OLFM1: variants seen among roughly 807,000 people sequenced by gnomAD.
The protein encoded by OLFM1 is noelin.
In OLFM1, 9 loss-of-function variants were observed where a neutral mutation model predicts 49.7. That is an observed-to-expected ratio of 0.18 (90% CI 0.11 to 0.32). OLFM1 has a LOEUF of 0.32. Among genes scored for constraint, OLFM1 ranks in the 10% least tolerant of loss-of-function variants. OLFM1 has a pLI of 1.00. For missense variants in OLFM1, 369 were observed against 661.8 expected (o/e 0.56, Z 4.85); for synonymous variants, 240 against 271.8 (o/e 0.88, Z 1.15).
intron 1 of OLFM1, chr9:135,076,489 C>G (rs1319466907): frequency 7.4e-7 from 1 of 1,358,822 alleles, no homozygotes; most frequent in East Asian, 2.5e-5. Context: ...AGAAAGGTCT[C>G]TGCTTGGTAT....
chr9:135,120,408 G>A lies in OLFM1; in HGVS notation c.*230G>A, dbSNP rs1336350031. ...ATTTGCAGCTGGAACTGCAGCCCAC[G>A]GCGCCCCGGTTTTCCTCCCCGCCCT... On this transcript the variant is annotated 3_prime_UTR_variant, in exon 6 of 6. Transcript: ENST00000371793. The A allele has an allele frequency of 1.0e-5, 6 of 573,612 alleles. No individual in the cohort carries two copies. The highest frequency in any genetic ancestry group is 5.9e-5 in the East Asian group (2 of 34,088). The allele number at this position is 573,612 out of a possible 1,614,324, so 35.5% of individuals were successfully genotyped here.
chr9:135,094,780 C>G (rs1346145118), intron 2 of OLFM1, among the ~76,000 whole-genome samples: 1 of 152,072 alleles, frequency 6.6e-6, no homozygotes, highest in African/African-American at 2.4e-5. Context: ...AAGTAGAAAC[C>G]ACACTGTCCT....
At chr9:135,077,004 C>T (rs1830475418) in intron 1 of OLFM1, 2 of 1,550,590 alleles carry the variant, frequency 1.3e-6, no homozygotes, top group Admixed American at 3.9e-5. Context: ...CCCTCAGAGC[C>T]CTTCTCCTGG....
At chr9:135,076,380 T>C in intron 1 of OLFM1, 1 of 1,515,462 alleles carries the variant, frequency 6.6e-7, no homozygotes. Context: ...TGTGGCCACA[T>C]GCCCGGCAGG....
intron 5 of OLFM1, among the ~76,000 whole-genome samples, chr9:135,110,376 G>A (rs781696267): frequency 3.9e-5 from 6 of 152,148 alleles, no homozygotes; most frequent in South Asian, 2.1e-4. Context: ...GGGGGCCAGC[G>A]CTACTCCCAC....
upstream of OLFM1, among the ~76,000 whole-genome samples, chr9:135,084,845 G>T (rs1175067046): frequency 6.6e-6 from 1 of 152,162 alleles, no homozygotes; most frequent in Non-Finnish European, 1.5e-5. The surrounding 1 kb of genome is among the most constrained non-coding windows in gnomAD (Gnocchi z 4.6). Context: ...GGACCTCACT[G>T]TTCTGACTGT....
At chr9:135,099,107 C>T (rs188425354) in intron 4 of OLFM1, among the ~76,000 whole-genome samples, 1 of 152,298 alleles carries the variant, frequency 6.6e-6, no homozygotes, top group African/African-American at 2.4e-5. Context: ...TGATTGATTA[C>T]CCATTCACCT....
chr9:135,119,189 G>A (rs185875696), intron 5 of OLFM1, among the ~76,000 whole-genome samples: 117 of 148,850 alleles, frequency 7.9e-4, no homozygotes, highest in African/African-American at 2.7e-3. Flanking sequence ...GGTCTTTGGA[G>A]TACTCACTGG....
At chr9:135,111,215 T>C (rs1325883158) in intron 5 of OLFM1, among the ~76,000 whole-genome samples, 1 of 152,234 alleles carries the variant, frequency 6.6e-6, no homozygotes, top group Non-Finnish European at 1.5e-5. Context: ...TATTTACAAA[T>C]GCATTTTGTG....
At chr9:135,085,566 C>T (rs998965414), upstream of OLFM1, among the ~76,000 whole-genome samples, 3 of 152,224 alleles carry the variant, frequency 2.0e-5, no homozygotes, top group Non-Finnish European at 2.9e-5. Context: ...CCACCAGGGG[C>T]GCAGCACCTG....
intron 2 of OLFM1, among the ~76,000 whole-genome samples, chr9:135,091,418 C>T (rs534678201): frequency 4.3e-4 from 65 of 152,166 alleles, no homozygotes; most frequent in African/African-American, 1.5e-3. Context: ...ACCACACACA[C>T]GCACACTCAC....
rs1326645666 is a variant in OLFM1, at chr9:135,090,363, T to A, written c.300+19T>A. 3 of 1,585,880 alleles carry A rather than the reference T, an allele frequency of 1.9e-6. No individual in the cohort carries two copies. Among genetic ancestry groups the A allele is most frequent in the Non-Finnish European group, 2.6e-6 (3 of 1,169,404 alleles). On this transcript the variant is annotated intron_variant, in intron 2 of 5. Coordinates refer to ENST00000371793, the MANE Select transcript of OLFM1 (RefSeq NM_001282611.2). ...GGAGAAGGTGAGTCTGCGCAGAGTG[T>A]GTGAGTTTGTATGTGTGTGTGTTTG... is the stretch of plus-strand genomic sequence containing the variant.
Position 135,075,788 on chromosome 9 carries a change from A to G in OLFM1, c.82A>G (p.Thr28Ala), listed in dbSNP as rs761079463. The change falls in exon 1 of 6, where the codon ACT becomes GCT. Residue 28 changes from threonine (T) to alanine (A), a missense_variant. Transcript: ENST00000252854. ...CCTCCTCTTCCTCATCCTGATGGGCACTGAACTCACTCAAGTACGTGCATC... is the reference window on the plus strand; with the variant it reads ...CCTCCTCTTCCTCATCCTGATGGGCGCTGAACTCACTCAAGTACGTGCATC... 1.5e-5 allele frequency: 24 copies of G among 1,605,042 alleles called. 1 individual carries two copies. In the Admixed American group the frequency reaches 1.7e-4, roughly 11 times the overall value.
At chr9:135,104,558 C>T (rs977183754) in intron 4 of OLFM1, among the ~76,000 whole-genome samples, 2 of 152,210 alleles carry the variant, frequency 1.3e-5, no homozygotes, top group Non-Finnish European at 1.5e-5. Flanking sequence ...AGCATGGGGC[C>T]GCCACTCCTC....
At chr9:135,114,318 A>G (rs1008069844) in intron 5 of OLFM1, among the ~76,000 whole-genome samples, 9 of 151,548 alleles carry the variant, frequency 5.9e-5, no homozygotes, top group African/African-American at 2.2e-4. Context: ...ACGAGGTTTC[A>G]CTGTGTTGGC....
chr9:135,093,724 G>C (rs1186970364), intron 2 of OLFM1, among the ~76,000 whole-genome samples: 1 of 152,130 alleles, frequency 6.6e-6, no homozygotes, highest in Non-Finnish European at 1.5e-5. Flanking sequence ...AAATGAAGGT[G>C]CTCAGAGGAA....
At position 135,098,800 on chromosome 9, in the gene OLFM1, GTA is replaced by G. The variant is rs754129298; in HGVS notation, c.676+297_676+298del. 6.6e-5 allele frequency among the ~76,000 whole-genome samples: 10 copies of G among 152,310 alleles called. No individual in the cohort carries two copies. Among genetic ancestry groups the G allele is most frequent in the Non-Finnish European group, 1.3e-4 (9 of 68,024 alleles). On this transcript the variant is annotated intron_variant, in intron 4 of 5. Transcript: ENST00000371793. The surrounding 1 kb of genome is among the most constrained non-coding windows in gnomAD (Gnocchi z 5.6). The stretch of plus-strand genomic sequence containing the variant: ...CAGATTGTGTGTGTGTGTGTGAATC[GTA>G]TGTGTGTGTGCATTGAAGACACCAG...
intron 5 of OLFM1, among the ~76,000 whole-genome samples, chr9:135,108,356 G>C (rs1006676654): frequency 6.6e-6 from 1 of 152,104 alleles, no homozygotes; most frequent in African/African-American, 2.4e-5. Flanking sequence ...AAGCAGGCCC[G>C]GGCACAGTGG....
chr9:135,084,560 GTTTC>G (rs1425935168), upstream of OLFM1, among the ~76,000 whole-genome samples: 1 of 149,326 alleles, frequency 6.7e-6, no homozygotes, highest in Non-Finnish European at 1.5e-5. The surrounding 1 kb of genome is among the most constrained non-coding windows in gnomAD (Gnocchi z 4.6). Flanking sequence ...TCTCCTCTCT[GTTTC>G]TTTGTCTTTC....
Sources: allele counts gnomAD v4.1 joint callset (sites outside exome capture counted in the v4.1 genomes callset), GRCh38; gene constraint gnomAD v4.1.1; non-coding constraint Gnocchi (gnomAD v3.1); transcripts MANE v1.5; gene names NCBI Gene and HGNC (gene_info 2026-07-23, HGNC 2026-07-21).